UNC80: variants seen among roughly 807,000 people sequenced by gnomAD.
UNC80 encodes protein unc-80 homolog.
In UNC80, 164 loss-of-function variants were observed where a neutral mutation model predicts 384.6. The observed-to-expected ratio is 0.43, with a 90% confidence interval of 0.38 to 0.49. The LOEUF (loss-of-function observed/expected upper bound fraction) is 0.49. Ranked by LOEUF, UNC80 falls within the 20% of genes least tolerant of loss-of-function variation. The pLI, the probability that UNC80 is intolerant of heterozygous loss-of-function variation, is 0.00. For missense variants in UNC80, 3,330 were observed against 4,143.0 expected, an observed-to-expected ratio of 0.80 and a Z score of 5.39; for synonymous variants, 1,486 against 1,527.8, an observed-to-expected ratio of 0.97 and a Z score of 0.64.
intron 36 of UNC80, among the ~76,000 whole-genome samples, chr2:209,929,384 T>C (rs2090676338): frequency 6.6e-6 from 1 of 152,208 alleles, no homozygotes; most frequent in Non-Finnish European, 1.5e-5. Flanking sequence ...TAATTGTTAC[T>C]GGCTCAACTA....
Position 209,976,933 on chromosome 2 carries a change from G to C in UNC80, c.8793G>C (p.Glu2931Asp). 2.0e-6 allele frequency: 3 copies of C among 1,519,936 alleles called. No individual in the cohort carries two copies. Among genetic ancestry groups the C allele is most frequent in the Non-Finnish European group, 2.7e-6 (3 of 1,120,734 alleles). The allele number at this position is 1,519,936 out of a possible 1,614,324, so 94.2% of individuals were successfully genotyped here. The change falls in exon 58 of 65, where the codon GAG (glutamate) becomes GAC (aspartate). Residue 2931 changes from glutamate (E) to aspartate (D), a missense_variant. By Grantham distance (45) the Glu-to-Asp change is conservative (BLOSUM62 2). Transcript: ENST00000673920. The surrounding 1 kb of genome is among the most constrained non-coding windows in gnomAD (Gnocchi z 4.3). ...TTCAGCTGCTGGCCCAACCAGCAGA[G>C]AATCATGAAGAGCTTTCCGCCCGGC... ...IQCKLLAQPAENHEELSARQH... is the reference protein window; with the variant it reads ...IQCKLLAQPADNHEELSARQH...
chr2:209,971,044 C>A, intron 54 of UNC80, 87 bp downstream of exon 54: 1 of 1,468,282 alleles, frequency 6.8e-7, no homozygotes, highest in Non-Finnish European at 9.0e-7. Context: ...TCTGCAAAGG[C>A]TGGGCAAAAT....
chr2:209,896,256 A>G (rs1452195981), intron 27 of UNC80, 57 bp from the exon 28 acceptor site: 1 of 1,460,524 alleles, frequency 6.8e-7, no homozygotes, highest in East Asian at 2.5e-5. Context: ...TACCATACCA[A>G]CATGCTCTCC....
intron 21 of UNC80, among the ~76,000 whole-genome samples, chr2:209,844,567 C>CTTCTTTCTTT (rs1553542476): frequency 7.5e-6 from 1 of 132,668 alleles, no homozygotes; most frequent in African/African-American, 2.8e-5. Context: ...TCCAAATCTC[C>CTTCTTTCTTT]TTCTTTCTTT....
intron 62 of UNC80, 102 bp downstream of exon 62, chr2:209,992,349 C>A: frequency 1.8e-6 from 2 of 1,131,100 alleles, no homozygotes; most frequent in Non-Finnish European, 2.5e-6. Context: ...GCTGGACGTG[C>A]CCGGAATCCC....
Position 209,939,619 on chromosome 2 carries a change from G to C in UNC80, c.6613G>C (p.Asp2205His). 6.4e-7 allele frequency: 1 copy of C among 1,551,332 alleles called. No homozygotes were observed. Among genetic ancestry groups the C allele is most frequent in the Non-Finnish European group, 8.7e-7 (1 of 1,146,630 alleles). The stretch of plus-strand genomic sequence containing the variant: ...GCCCTCATTCCCTCGTAGTGCTATT[G>C]ATGCTGAGTTTTCACTCTTCAGTGA... The part of the protein sequence containing the change: ...RLPSFPRSAI[D>H]AEFSLFSDPQ... Residue 2205 changes from aspartate (D) to histidine (H), a missense_variant, in exon 43 of 65, where the codon GAT becomes CAT. Transcript: ENST00000673920.
chr2:209,831,476 T>A lies in UNC80; in HGVS notation c.2660T>A (p.Val887Glu). ...KAGFGNNFTT[V>E]DNKSTAQNVE... ...GGGTTTGGAAATAACTTCACCACAG[T>A]GGACAACAAATCCACAGCCCAAAAT... is the stretch of plus-strand genomic sequence containing the variant. Residue 887 changes from valine to glutamate, a missense_variant, in exon 16 of 65, where the codon GTG becomes GAG. Around this residue, in one of 8 missense-constraint regions of UNC80, gnomAD observed 937 missense variants for 1,026.8 expected, o/e 0.91. Transcript: ENST00000673920. 1 of 1,551,028 alleles carries A rather than the reference T, an allele frequency of 6.4e-7. No homozygotes were observed. The highest frequency in any genetic ancestry group is 2.0e-5 in the Admixed American group (1 of 50,868).
At position 209,937,475 on chromosome 2, in the gene UNC80, A is replaced by T; in HGVS notation, c.6364-54A>T. 3.0e-6 allele frequency: 4 copies of T among 1,328,094 alleles called. No homozygotes were observed. In the South Asian group the frequency reaches 5.1e-5, roughly 17 times the overall value. The allele number at this position is 1,328,094 out of a possible 1,614,324, so 82.3% of individuals were successfully genotyped here. Reference sequence around the variant, plus strand: ...TCTTTGGGTAAAGAAGAAATGAGAAAAGATGTTTAATCTTTTGAACTCTTT... The same window carrying T: ...TCTTTGGGTAAAGAAGAAATGAGAATAGATGTTTAATCTTTTGAACTCTTT... On this transcript the variant is annotated intron_variant, in intron 41 of 64. Coordinates refer to ENST00000673920, the MANE Select transcript of UNC80 (RefSeq NM_001371986.1).
At position 209,918,588 on chromosome 2, in the gene UNC80, C is replaced by T. The variant is rs367749831; in HGVS notation, c.5268C>T (p.Ser1756=). ...TLPSPVLGMP[S]VPMFDPPWVP... ...CCTCGCCGGTGCTTGGAATGCCATC[C>T]GTCCCAATGTTTGACCCACCGTGGG... The change falls in exon 33 of 65, where the codon TCC becomes TCT. Residue 1756 remains serine, a synonymous_variant. Transcript: ENST00000673920. 1.4e-4 allele frequency: 224 copies of T among 1,552,094 alleles called. No individual in the cohort carries two copies. The African/African-American group carries it at 2.2e-3, about 16-fold the overall frequency.
At chr2:209,975,372 G>C (rs745812037) in intron 56 of UNC80, among the ~76,000 whole-genome samples, 1 of 152,102 alleles carries the variant, frequency 6.6e-6, no homozygotes, top group Non-Finnish European at 1.5e-5. Flanking sequence ...CCTGACACAC[G>C]GTTTGGGAAA....
chr2:209,908,990 C>T (rs2088598559), intron 29 of UNC80, among the ~76,000 whole-genome samples: 1 of 152,144 alleles, frequency 6.6e-6, no homozygotes, highest in Non-Finnish European at 1.5e-5. Flanking sequence ...TACAGTGTTA[C>T]AATTCTTTTA....
chr2:209,922,518 A>T (rs1310340748), intron 35 of UNC80, 135 bp downstream of exon 35: 2 of 1,113,082 alleles, frequency 1.8e-6, no homozygotes, highest in South Asian at 2.1e-5. Flanking sequence ...TCTAAAAAAA[A>T]TTAGCATGGC....
At chr2:209,921,245 G>C (rs1224209784) in intron 33 of UNC80, among the ~76,000 whole-genome samples, 1 of 152,138 alleles carries the variant, frequency 6.6e-6, no homozygotes, top group Non-Finnish European at 1.5e-5. Flanking sequence ...TGCAAATCCT[G>C]AGATGAAATA....
chr2:209,954,614 G>A (rs1162606386), intron 48 of UNC80, among the ~76,000 whole-genome samples: 2 of 152,134 alleles, frequency 1.3e-5, no homozygotes, highest in Non-Finnish European at 2.9e-5. Flanking sequence ...ATTTAAAGAT[G>A]TAATCTACAT....
In UNC80 at chr2:209,945,918, G is replaced by T; in HGVS notation, c.7261G>T (p.Ala2421Ser). 6.4e-7 allele frequency: 1 copy of T among 1,551,808 alleles called. No individual in the cohort carries two copies. Among genetic ancestry groups the T allele is most frequent in the Non-Finnish European group, 8.7e-7 (1 of 1,146,866 alleles). The change falls in exon 47 of 65, where the codon GCG becomes TCG. Residue 2421 changes from alanine to serine, a missense_variant. Ala to Ser is a moderately conservative substitution (Grantham distance 99, BLOSUM62 1). Coordinates refer to ENST00000673920, the MANE Select transcript of UNC80 (RefSeq NM_001371986.1). ...CATTAAGCTCTGTGTCACTGTGGTG[G>T]CGTATGCTCCCGAATCATTCAGAAG... Reference protein sequence around the residue: ...EAIKLCVTVVAYAPESFRSLQ... With the variant: ...EAIKLCVTVVSYAPESFRSLQ...
intron 48 of UNC80, among the ~76,000 whole-genome samples, chr2:209,955,820 T>G (rs2092393632): frequency 6.7e-6 from 1 of 148,504 alleles, no homozygotes. Flanking sequence ...CTTGGCTCAC[T>G]GCAACCTCCG....
chr2:209,902,012 G>T (rs984894007), intron 28 of UNC80, among the ~76,000 whole-genome samples: 15 of 152,092 alleles, frequency 9.9e-5, no homozygotes, highest in Middle Eastern at 6.8e-3. Context: ...TCTTGGCAAA[G>T]TAAATTGAAA....
chr2:209,949,191 A>G (rs1188318382), intron 47 of UNC80, among the ~76,000 whole-genome samples: 1 of 152,202 alleles, frequency 6.6e-6, no homozygotes, highest in African/African-American at 2.4e-5. Flanking sequence ...TTTTATTGCT[A>G]GGATCACAGG....
chr2:209,973,497 A>G (rs2092935240), intron 56 of UNC80, among the ~76,000 whole-genome samples: 2 of 152,210 alleles, frequency 1.3e-5, no homozygotes, highest in South Asian at 4.1e-4. Context: ...ACCCTTGCAA[A>G]AAAAGTCTGG....
Sources: gnomAD v4.1 joint callset for allele counts (sites outside exome capture counted in the v4.1 genomes callset) on GRCh38, gnomAD v4.1.1 for gene constraint, gnomAD v4.1.1 regional missense constraint, Gnocchi (gnomAD v3.1) non-coding constraint, MANE v1.5 for transcripts, NCBI Gene and HGNC (gene_info 2026-07-23, HGNC 2026-07-21) for gene names.